Variants in CLOCK observed in about 807,000 individuals in gnomAD.
CLOCK encodes the protein clock circadian regulator, also known as circadian locomoter output cycles protein kaput.
A neutral mutation model predicts 118.4 loss-of-function variants in CLOCK; 43 were observed. That is an observed-to-expected ratio of 0.36 (90% CI 0.28 to 0.47). The LOEUF is 0.47. Among genes scored for constraint, CLOCK ranks in the 20% least tolerant of loss-of-function variants. The pLI, the probability that CLOCK is intolerant of heterozygous loss-of-function variation, is 1.00. For synonymous variants in CLOCK, 326 were observed against 339.2 expected, an observed-to-expected ratio of 0.96 and a Z score of 0.43; for missense variants, 846 against 999.9, an observed-to-expected ratio of 0.85 and a Z score of 2.08.
intron 8 of CLOCK, 71 bp from the exon 9 acceptor site, chr4:55,463,876 T>A: frequency 6.9e-7 from 1 of 1,453,034 alleles, no homozygotes; most frequent in South Asian, 1.2e-5. Context: ...AAGTACATAA[T>A]CGCTATTAAA....
At chr4:55,502,500 A>G (rs1469151754) in intron 2 of CLOCK, among the ~76,000 whole-genome samples, 1 of 152,200 alleles carries the variant, frequency 6.6e-6, no homozygotes, top group East Asian at 1.9e-4. Flanking sequence ...CTGGACTTCC[A>G]CACGGAAAAT....
chr4:55,464,177 T>C (rs556499262), intron 8 of CLOCK, among the ~76,000 whole-genome samples: 13 of 152,352 alleles, frequency 8.5e-5, no homozygotes, highest in African/African-American at 2.9e-4. Context: ...TATAAAGGAC[T>C]ATGCACAAGC....
At chr4:55,480,355 C>G (rs1726832771) in intron 4 of CLOCK, among the ~76,000 whole-genome samples, 1 of 152,190 alleles carries the variant, frequency 6.6e-6, no homozygotes, top group Non-Finnish European at 1.5e-5. Flanking sequence ...GCCTCAACCT[C>G]CTGGGTTCAA....
At chr4:55,439,857 G>A (rs552247263) in intron 21 of CLOCK, among the ~76,000 whole-genome samples, 8 of 152,218 alleles carry the variant, frequency 5.3e-5, no homozygotes, top group African/African-American at 1.7e-4. Flanking sequence ...GAAGAATGGG[G>A]ACTTGTATAA....
chr4:55,538,514 C>G (rs933318711), intron 1 of CLOCK, among the ~76,000 whole-genome samples: 2 of 151,538 alleles, frequency 1.3e-5, no homozygotes, highest in East Asian at 1.9e-4. Context: ...GAAGGCAGGT[C>G]GATAGAAAAT....
At chr4:55,525,205 G>T (rs2110072461) in intron 1 of CLOCK, among the ~76,000 whole-genome samples, 1 of 152,300 alleles carries the variant, frequency 6.6e-6, no homozygotes, top group South Asian at 2.1e-4. Context: ...GTGCACAGTG[G>T]TTCATGTCTG....
chr4:55,460,587 G>A (rs1042083285), intron 9 of CLOCK, among the ~76,000 whole-genome samples: 2 of 152,140 alleles, frequency 1.3e-5, no homozygotes, highest in Non-Finnish European at 2.9e-5. Flanking sequence ...ATTTAGTGCA[G>A]TTGCAAATTA....
At chr4:55,539,672 A>G (rs1731133927) in intron 1 of CLOCK, among the ~76,000 whole-genome samples, 1 of 151,980 alleles carries the variant, frequency 6.6e-6, no homozygotes, top group African/African-American at 2.4e-5. Flanking sequence ...CAGTATCAAA[A>G]TGCATGATAT....
chr4:55,516,961 TAATCC>T (rs1275954551), intron 1 of CLOCK, among the ~76,000 whole-genome samples: 4 of 152,228 alleles, frequency 2.6e-5, no homozygotes, highest in African/African-American at 9.6e-5. Context: ...TACCACGTAA[TAATCC>T]TAATACCTCC....
chr4:55,491,872 C>T (rs1303196013), intron 2 of CLOCK, among the ~76,000 whole-genome samples: 2 of 152,170 alleles, frequency 1.3e-5, no homozygotes, highest in Admixed American at 6.5e-5. Flanking sequence ...AAAAGAAAAT[C>T]TGAGCAGACA....
chr4:55,452,839 T>C, intron 15 of CLOCK: 1 of 437,692 alleles, frequency 2.3e-6, no homozygotes, highest in Non-Finnish European at 4.1e-6. Context: ...AATGGTAGTT[T>C]TGAGATCAGA....
At chr4:55,456,512 A>C (rs1017759743) in intron 11 of CLOCK, among the ~76,000 whole-genome samples, 1 of 152,006 alleles carries the variant, frequency 6.6e-6, no homozygotes, top group Non-Finnish European at 1.5e-5. Context: ...AAATACAAAA[A>C]ATAGCAGGGC....
At chr4:55,517,538 G>T (rs1347887422) in intron 1 of CLOCK, among the ~76,000 whole-genome samples, 1 of 152,124 alleles carries the variant, frequency 6.6e-6, no homozygotes, top group Non-Finnish European at 1.5e-5. Context: ...TTTATATTTT[G>T]CTGAATTCTA....
At chr4:55,503,978 T>TAAAAGAAAAAAAAAAAAAA (rs1553900254) in intron 2 of CLOCK, among the ~76,000 whole-genome samples, 746 of 71,018 alleles carry the variant, frequency 0.011, 85 homozygotes, top group East Asian at 0.024. Context: ...CAAAAAGAGG[T>TAAAAGAAAAAAAAAAAAAA]AAAAAAAAAA....
At chr4:55,493,785 C>T (rs1409949075) in intron 2 of CLOCK, among the ~76,000 whole-genome samples, 3 of 152,034 alleles carry the variant, frequency 2.0e-5, no homozygotes, top group Non-Finnish European at 2.9e-5. Flanking sequence ...TGAAAACTGA[C>T]CTGTAAGAAT....
intron 2 of CLOCK, among the ~76,000 whole-genome samples, chr4:55,501,436 G>GTGTACTATAATCATTAT (rs1226715332): frequency 6.6e-6 from 1 of 150,752 alleles, no homozygotes; most frequent in Non-Finnish European, 1.5e-5. Flanking sequence ...TTTTTTTTAA[G>GTGTACTATAATCATTAT]AGACAGGATC....
At chr4:55,451,122 CCCCT>C (rs1053775637) in intron 15 of CLOCK, among the ~76,000 whole-genome samples, 10 of 152,024 alleles carry the variant, frequency 6.6e-5, no homozygotes, top group Admixed American at 5.9e-4. Context: ...TGTAGCAAAA[CCCCT>C]CCCTATTCAC....
chr4:55,499,833 T>C (rs912681186), intron 2 of CLOCK, among the ~76,000 whole-genome samples: 1 of 152,210 alleles, frequency 6.6e-6, no homozygotes, highest in African/African-American at 2.4e-5. Flanking sequence ...AGCTCATGGA[T>C]GCAGTAGGTA....
intron 1 of CLOCK, among the ~76,000 whole-genome samples, chr4:55,542,363 A>ATT (rs1303891094): frequency 6.8e-5 from 4 of 59,002 alleles, no homozygotes; most frequent in African/African-American, 3.0e-4. Context: ...TAATAATAAT[A>ATT]ATAATAATAA....
Sources: allele counts gnomAD v4.1 joint callset (sites outside exome capture counted in the v4.1 genomes callset), GRCh38; gene constraint gnomAD v4.1.1; transcripts MANE v1.5; gene names NCBI Gene and HGNC (gene_info 2026-07-23, HGNC 2026-07-21).